The following USO1 variants were observed in gnomAD, a reference collection of about 807,000 sequenced individuals.
USO1 encodes USO1 vesicle transport factor, also known as general vesicular transport factor p115.
USO1 carries 57 observed loss-of-function variants against 124.5 expected under a neutral mutation model. That is an observed-to-expected ratio of 0.46 (90% CI 0.37 to 0.57). The LOEUF (loss-of-function observed/expected upper bound fraction) is 0.57, where lower values mean the gene tolerates loss of function less well. Ranked by LOEUF, USO1 falls within the 20% of genes least tolerant of loss-of-function variation. The pLI is 0.00. For synonymous variants in USO1, 369 were observed against 362.8 expected (o/e 1.02, Z -0.19); for missense variants, 900 against 1,040.6 (o/e 0.86, Z 1.86).
chr4:75,767,414 T>G, intron 4 of USO1: 1 of 429,888 alleles, frequency 2.3e-6, no homozygotes, highest in Non-Finnish European at 4.6e-6. Flanking sequence ...TGACTTTTGA[T>G]ACATGTATAA....
chr4:75,783,373 G>C lies in USO1; in HGVS notation c.855+515G>C, dbSNP rs373913832. ...AAGTCCAAAACATGTTAAATTGACAGACCACCTGTGATTTATTGATCCTTT... is the reference window on the plus strand; with the variant it reads ...AAGTCCAAAACATGTTAAATTGACACACCACCTGTGATTTATTGATCCTTT... On this transcript the variant is annotated intron_variant, in intron 9 of 23. Transcript: ENST00000514213. 2.0e-5 allele frequency among the ~76,000 whole-genome samples: 3 copies of C among 152,290 alleles called. No homozygotes were observed. The East Asian group carries it at 5.8e-4, about 29-fold the overall frequency.
At chr4:75,748,267 C>T (rs561855405) in intron 1 of USO1, among the ~76,000 whole-genome samples, 1 of 141,550 alleles carries the variant, frequency 7.1e-6, no homozygotes, top group Non-Finnish European at 1.5e-5. Flanking sequence ...TGGCTCACTG[C>T]AACCTCCACC....
intron 1 of USO1, among the ~76,000 whole-genome samples, chr4:75,725,608 G>C (rs561672639): frequency 1.6e-5 from 2 of 123,842 alleles, no homozygotes; most frequent in Non-Finnish European, 1.8e-5. Context: ...CATGATTTGC[G>C]GCGTTATTTA....
At chr4:75,774,853 G>A (rs1722030419) in intron 8 of USO1, 57 bp downstream of exon 8, 1 of 1,557,638 alleles carries the variant, frequency 6.4e-7, no homozygotes, top group Admixed American at 1.9e-5. Context: ...GACTTGTTAG[G>A]GTATAGGGAA....
chr4:75,733,088 G>A (rs562808417), intron 1 of USO1, among the ~76,000 whole-genome samples: 81 of 151,286 alleles, frequency 5.4e-4, no homozygotes, highest in African/African-American at 1.8e-3. Flanking sequence ...GTGAAACCCC[G>A]TCTCTACTAC....
At chr4:75,770,697 C>T in intron 5 of USO1, 125 bp from the exon 6 acceptor site, 1 of 1,491,604 alleles carries the variant, frequency 6.7e-7, no homozygotes, top group Non-Finnish European at 9.0e-7. Context: ...ACTATGTAAT[C>T]ACTTAAAGTA....
rs865883877 is a variant in USO1, at chr4:75,724,663, G to C, written c.-157G>C. On this transcript the variant is annotated 5_prime_UTR_variant, in exon 1 of 24. Coordinates refer to ENST00000514213, the MANE Select transcript of USO1 (RefSeq NM_003715.4). ...GGCCGCTGCTGGCGGCTGTTTCCGG[G>C]CTTAGAGGGCTGGAGTGGCCGCCGA... 2.9e-6 allele frequency: 2 copies of C among 678,642 alleles called. No individual in the cohort carries two copies. Among genetic ancestry groups the C allele is most frequent in the East Asian group, 3.1e-5 (1 of 32,670 alleles). The allele number at this position is 678,642 out of a possible 1,614,324, so 42.0% of individuals were successfully genotyped here.
At chr4:75,788,261 G>A (rs1722424130) in intron 10 of USO1, among the ~76,000 whole-genome samples, 1 of 149,502 alleles carries the variant, frequency 6.7e-6, no homozygotes, top group African/African-American at 2.5e-5. Context: ...CCCGCCTTCC[G>A]GGTTCGAGCA....
In USO1 at chr4:75,787,133, G is replaced by T. The variant is rs187795821; in HGVS notation, c.927G>T (p.Gln309His). The T allele has an allele frequency of 3.1e-6, 5 of 1,607,876 alleles. No individual in the cohort carries two copies. In the African/African-American group the frequency reaches 6.7e-5, roughly 22 times the overall value. The part of the protein sequence containing the change: ...ATSSCQKAMF[Q>H]CGLLQQLCTI... The stretch of plus-strand genomic sequence containing the variant: ...GTAGCTGCCAGAAGGCTATGTTCCA[G>T]TGTGGGTTATTGCAGCAGCTTTGTA... The change falls in exon 10 of 24, where the codon CAG becomes CAT. Residue 309 changes from glutamine (Q) to histidine (H), a missense_variant. Physicochemically the swap from Gln to His is conservative, Grantham distance 24 (BLOSUM62 0). Around this residue, in one of 2 missense-constraint regions of USO1, gnomAD observed 538 missense variants for 681.6 expected, o/e 0.79. Coordinates refer to ENST00000514213, the MANE Select transcript of USO1 (RefSeq NM_003715.4).
chr4:75,801,018 TTAG>T, intron 16 of USO1, 58 bp from the exon 17 acceptor site: 1 of 1,424,664 alleles, frequency 7.0e-7, no homozygotes, highest in Non-Finnish European at 9.4e-7. Flanking sequence ...TTACTAAGTC[TTAG>T]TAGTAAAATA....
chr4:75,789,909 C>A (rs1300996465), intron 10 of USO1, among the ~76,000 whole-genome samples: 1 of 151,868 alleles, frequency 6.6e-6, no homozygotes. Flanking sequence ...GGAAGTGTTA[C>A]AAGATTATAA....
Position 75,804,190 on chromosome 4 carries a change from A to G in USO1, c.2043A>G (p.Glu681=), listed in dbSNP as rs527939285. The G allele has an allele frequency of 2.0e-5, 33 of 1,613,592 alleles. No individual in the cohort carries two copies. In the East Asian group the frequency reaches 7.1e-4, roughly 35 times the overall value. ...QQVSTLKCQN[E]QLQTAVTQQV... ...TTTCTACATTAAAATGTCAAAATGA[A>G]CAGCTCCAGACGGCAGTCACACAGC... Residue 681 remains glutamate, a synonymous_variant, in exon 18 of 24, where the codon GAA becomes GAG. Transcript: ENST00000514213.
chr4:75,811,914 A>G (rs2149197840), intron 22 of USO1, among the ~76,000 whole-genome samples: 1 of 152,258 alleles, frequency 6.6e-6, no homozygotes. Flanking sequence ...AGGTTTTTTC[A>G]GGGATAGCTA....
In USO1 at chr4:75,800,688, A is replaced by ATTTAT; in HGVS notation, c.1753_1754insTTTAT (p.Ser585IlefsTer25). On this transcript the variant is annotated frameshift_variant, in exon 16 of 24. Coordinates refer to ENST00000514213, the MANE Select transcript of USO1 (RefSeq NM_003715.4). LOFTEE classifies it high-confidence loss of function. Reference sequence around the variant, plus strand: ...TTTCATAGAGAAACTAGGATTTATTAGCAAACATGAGTTGTATTCCAGAGC... The same window carrying ATTTAT: ...TTTCATAGAGAAACTAGGATTTATTATTTATGCAAACATGAGTTGTATTCCAGAGC... 6.3e-7 allele frequency: 1 copy of ATTTAT among 1,598,816 alleles called. No individual in the cohort carries two copies. Among genetic ancestry groups the ATTTAT allele is most frequent in the Non-Finnish European group, 8.5e-7 (1 of 1,176,150 alleles).
chr4:75,791,462 T>C (rs970087053), intron 12 of USO1, among the ~76,000 whole-genome samples: 1 of 152,294 alleles, frequency 6.6e-6, no homozygotes, highest in African/African-American at 2.4e-5. Flanking sequence ...AGGCAGAGGT[T>C]GCAGTGAGCT....
At chr4:75,777,190 T>G (rs1367171975) in intron 8 of USO1, among the ~76,000 whole-genome samples, 1 of 152,196 alleles carries the variant, frequency 6.6e-6, no homozygotes, top group Non-Finnish European at 1.5e-5. Context: ...AATTTAATTT[T>G]CAGCAAAATA....
At chr4:75,763,424 G>C (rs1454625508) in intron 4 of USO1, among the ~76,000 whole-genome samples, 1 of 152,090 alleles carries the variant, frequency 6.6e-6, no homozygotes, top group East Asian at 1.9e-4. Flanking sequence ...TATGATTTCT[G>C]TTATATTTTG....
At chr4:75,809,195 C>A in intron 21 of USO1, 144 bp downstream of exon 21, 2 of 989,056 alleles carry the variant, frequency 2.0e-6, no homozygotes, top group Non-Finnish European at 2.9e-6. Flanking sequence ...GTAACATAGG[C>A]TTCATGTTCA....
At chr4:75,802,456 T>C (rs1401716951) in intron 17 of USO1, among the ~76,000 whole-genome samples, 1 of 152,200 alleles carries the variant, frequency 6.6e-6, no homozygotes, top group East Asian at 1.9e-4. Flanking sequence ...ATGACTTCCT[T>C]AGAAATGTTC....
Sources: gnomAD v4.1 joint callset for allele counts (sites outside exome capture counted in the v4.1 genomes callset) on GRCh38, gnomAD v4.1.1 for gene constraint, gnomAD v4.1.1 regional missense constraint, MANE v1.5 for transcripts, NCBI Gene and HGNC (gene_info 2026-07-23, HGNC 2026-07-21) for gene names.